SRL: variants seen among roughly 807,000 people sequenced by gnomAD.
SRL encodes the protein sarcalumenin.
A neutral mutation model predicts 39.5 loss-of-function variants in SRL; 23 were observed. The ratio of observed to expected loss-of-function variants is 0.58; its 90% CI spans 0.42 to 0.82. The LOEUF is 0.82. SRL is among the 40% of genes least tolerant of loss of function. The probability of loss-of-function intolerance (pLI) is 0.00; values close to 1 mark genes in which losing one functional copy is unlikely to be tolerated. For missense variants in SRL, 592 were observed against 607.8 expected (o/e 0.97, Z 0.27); for synonymous variants, 272 against 237.4 (o/e 1.15, Z -1.34).
At chr16:4,223,301 G>A (rs1477018460) in intron 1 of SRL, among the ~76,000 whole-genome samples, 8 of 148,106 alleles carry the variant, frequency 5.4e-5, no homozygotes, top group Admixed American at 2.0e-4. Flanking sequence ...AAAAAAGAAA[G>A]AAAAAGAAAA....
chr16:4,217,639 C>T (rs1480564395), intron 1 of SRL, among the ~76,000 whole-genome samples: 2 of 152,240 alleles, frequency 1.3e-5, no homozygotes, highest in Non-Finnish European at 2.9e-5. Flanking sequence ...CCTCTGCACA[C>T]AACTTTATTC....
At chr16:4,215,191 C>T (rs1231243600) in intron 1 of SRL, among the ~76,000 whole-genome samples, 1 of 152,218 alleles carries the variant, frequency 6.6e-6, no homozygotes, top group Non-Finnish European at 1.5e-5. Flanking sequence ...CCCTGAGGTC[C>T]TCTTCTGCCA....
At chr16:4,193,018 C>A in intron 5 of SRL, 54 bp from the exon 6 acceptor site, 1 of 1,490,338 alleles carries the variant, frequency 6.7e-7, no homozygotes. Context: ...TCAAAGCCCG[C>A]GCACCTCCTT....
At chr16:4,204,410 T>TACAGCCCCGGCCTCCAAGAG in intron 2 of SRL, 123 bp downstream of exon 2, 1 of 856,560 alleles carries the variant, frequency 1.2e-6, no homozygotes, top group South Asian at 1.5e-5. Context: ...CCAAGATAGA[T>TACAGCCCCGGCCTCCAAGAG]ACAGCCCCGG....
chr16:4,213,050 C>G (rs995934464), intron 1 of SRL, among the ~76,000 whole-genome samples: 1 of 152,162 alleles, frequency 6.6e-6, no homozygotes, highest in Admixed American at 6.5e-5. Flanking sequence ...AAGATTGGGG[C>G]AGGGGTGGGA....
In SRL at chr16:4,192,333, T is replaced by A. The variant is rs771256939; in HGVS notation, c.1242A>T (p.Lys414Asn). Residue 414 changes from lysine to asparagine, a missense_variant, in exon 6 of 6, where the codon AAA becomes AAT. Transcript: ENST00000399609. This position sits in a 1 kb window ranked among gnomAD's most constrained non-coding sequence, Gnocchi z 4.0. ...TGTAGGAGCACTGCTGGGAGAGCAG[T>A]TTGAAACTGGAAATGGGATTGATGC... Reference protein sequence around the residue: ...FFGINPISSFKLLSQQCSYMG... With the variant: ...FFGINPISSFNLLSQQCSYMG... The A allele has an allele frequency of 3.3e-5, 53 of 1,613,942 alleles. No individual in the cohort carries two copies. In the Middle Eastern group the frequency reaches 4.9e-4, roughly 15 times the overall value.
intron 4 of SRL, among the ~76,000 whole-genome samples, chr16:4,197,074 T>C (rs1375215587): frequency 2.2e-5 from 2 of 90,006 alleles, no homozygotes; most frequent in East Asian, 3.0e-4. Context: ...TTTTTTTTTT[T>C]TTTTTTTTTT....
intron 1 of SRL, among the ~76,000 whole-genome samples, chr16:4,234,185 G>A (rs889062010): frequency 1.6e-4 from 24 of 152,244 alleles, no homozygotes; most frequent in Admixed American, 3.9e-4. Context: ...GTAGAGACAA[G>A]ATCTCACTGT....
intron 2 of SRL, 36 bp from the exon 3 acceptor site, chr16:4,203,297 C>T: frequency 1.3e-6 from 2 of 1,578,828 alleles, no homozygotes; most frequent in Admixed American, 1.7e-5. Context: ...GAGCATCACG[C>T]AGGTGCGATC....
chr16:4,210,869 G>T lies in SRL; in HGVS notation c.62-6235C>A, dbSNP rs374620204. On this transcript the variant is annotated intron_variant, in intron 1 of 5. Coordinates refer to ENST00000399609, the MANE Select transcript of SRL (RefSeq NM_001098814.2). The stretch of plus-strand genomic sequence containing the variant: ...TGTCACACAGCTAATAACTGGCTTG[G>T]GCCATGTGACTTCAGAGCCACAGTA... 4.2e-4 allele frequency among the ~76,000 whole-genome samples: 64 copies of T among 152,240 alleles called. 1 individual carries two copies. In the East Asian group the frequency reaches 5.0e-3, roughly 12 times the overall value.
chr16:4,211,306 C>T (rs1224247471), intron 1 of SRL, among the ~76,000 whole-genome samples: 1 of 149,824 alleles, frequency 6.7e-6, no homozygotes, highest in Non-Finnish European at 1.5e-5. Flanking sequence ...TTGTGGGCTC[C>T]CACGTTGGGG....
intron 4 of SRL, 139 bp from the exon 5 acceptor site, chr16:4,195,925 CT>C (rs2052134602): frequency 1.0e-5 from 7 of 689,208 alleles, no homozygotes; most frequent in Non-Finnish European, 1.7e-5. Context: ...TTGGGGCTTT[CT>C]TTTAATTGTG....
At chr16:4,211,296 T>C (rs752786715) in intron 1 of SRL, among the ~76,000 whole-genome samples, 8 of 151,598 alleles carry the variant, frequency 5.3e-5, no homozygotes, top group African/African-American at 1.7e-4. Context: ...AGGATCCCCA[T>C]TGTGGGCTCC....
chr16:4,193,279 C>T (rs1465159131), intron 5 of SRL, among the ~76,000 whole-genome samples: 1 of 152,154 alleles, frequency 6.6e-6, no homozygotes, highest in African/African-American at 2.4e-5. Context: ...AGAATCCTCC[C>T]ACCTCAGCCT....
chr16:4,219,862 T>C (rs1242958800), intron 1 of SRL, among the ~76,000 whole-genome samples: 1 of 151,888 alleles, frequency 6.6e-6, no homozygotes, highest in African/African-American at 2.4e-5. Context: ...GCAGGAATGG[T>C]TGTCATCACC....
chr16:4,241,921 C>T, intron 1 of SRL, 86 bp downstream of exon 1: 3 of 1,489,960 alleles, frequency 2.0e-6, no homozygotes, highest in African/African-American at 1.4e-5. Context: ...CAGCCCCGAC[C>T]CCCTACCCAA....
Position 4,203,326 on chromosome 16 carries a change from T to C in SRL, c.164-65A>G, listed in dbSNP as rs371659826. ...TGCGATCCAGGCAGCTCCTCCATTG[T>C]GGAGGGGCCTCACCACCCAGGGCAG... On this transcript the variant is annotated intron_variant, in intron 2 of 5. Transcript: ENST00000399609. 64 of 1,390,280 alleles carry C rather than the reference T, an allele frequency of 4.6e-5. No individual in the cohort carries two copies. The East Asian group carries it at 1.4e-3, about 30-fold the overall frequency. 86.1% of individuals were successfully genotyped at this position (1,390,280 alleles called of 1,614,324 possible). A position where few individuals can be genotyped will look rare whatever the true frequency, so the allele number is the denominator to read the frequency against.
In SRL at chr16:4,211,509, T is replaced by G. The variant is rs561411837; in HGVS notation, c.62-6875A>C. Among the ~76,000 whole-genome samples, 415 of 96,722 alleles carry G rather than the reference T, an allele frequency of 4.3e-3. 28 individuals are homozygous for G. Among genetic ancestry groups the G allele is most frequent in the African/African-American group, 0.021 (392 of 18,358 alleles). The allele number at this position is 96,722 out of a possible 152,430, so 63.5% of individuals were successfully genotyped here. On this transcript the variant is annotated intron_variant, in intron 1 of 5. Coordinates refer to ENST00000399609, the MANE Select transcript of SRL (RefSeq NM_001098814.2). The stretch of plus-strand genomic sequence containing the variant: ...GTGATGACCATGCTAATGATGAGGA[T>G]CGTGATGATGATGATGGTGATGATG...
At chr16:4,209,438 C>G (rs1005667796) in intron 1 of SRL, among the ~76,000 whole-genome samples, 3 of 152,120 alleles carry the variant, frequency 2.0e-5, no homozygotes, top group Admixed American at 2.0e-4. Flanking sequence ...TTCCTTGACT[C>G]TCAAGGCCCC....
Sources: allele counts gnomAD v4.1 joint callset (sites outside exome capture counted in the v4.1 genomes callset), GRCh38; gene constraint gnomAD v4.1.1; non-coding constraint Gnocchi (gnomAD v3.1); transcripts MANE v1.5; gene names NCBI Gene and HGNC (gene_info 2026-07-23, HGNC 2026-07-21).